Variants in SCLT1 observed in about 807,000 individuals in gnomAD.
SCLT1 encodes the protein sodium channel-associated protein 1.
SCLT1 carries 78 observed loss-of-function variants against 112.8 expected under a neutral mutation model. The ratio of observed to expected loss-of-function variants is 0.69; its 90% CI spans 0.58 to 0.83. The LOEUF (loss-of-function observed/expected upper bound fraction) is 0.83. Ranked by LOEUF, SCLT1 falls within the 40% of genes least tolerant of loss-of-function variation. SCLT1 has a pLI of 0.00. For synonymous variants in SCLT1, 257 were observed against 254.7 expected (o/e 1.01, Z -0.09); for missense variants, 747 against 770.4 (o/e 0.97, Z 0.36).
rs532071094 is a variant in SCLT1 at position 128,994,859 on chromosome 4, G to T, written c.616-2622C>A. Among the ~76,000 whole-genome samples the T allele has an allele frequency of 3.9e-5, 6 of 152,040 alleles. No homozygotes were observed. In the East Asian group the frequency reaches 1.2e-3, roughly 29 times the overall value. Reference sequence around the variant, plus strand: ...GCTCATTTAAAAATCAACTTATTAGGTTTTTTTGTGTGTCTTTTGTTTTTT... The same window carrying T: ...GCTCATTTAAAAATCAACTTATTAGTTTTTTTTGTGTGTCTTTTGTTTTTT... On this transcript the variant is annotated intron_variant, in intron 8 of 20. Coordinates refer to ENST00000281142, the MANE Select transcript of SCLT1 (RefSeq NM_144643.4).
chr4:128,921,207 G>A (rs112160201), intron 18 of SCLT1, among the ~76,000 whole-genome samples: 27,630 of 152,102 alleles, frequency 0.18, 3,003 homozygotes, highest in East Asian at 0.33. Context: ...AATCAATATT[G>A]TTAAAATGGT....
At chr4:128,899,919 T>C (rs1734126417) in intron 18 of SCLT1, among the ~76,000 whole-genome samples, 2 of 152,086 alleles carry the variant, frequency 1.3e-5, no homozygotes, top group African/African-American at 4.8e-5. Context: ...TGAACTCCCA[T>C]TCACAATTGC....
intron 18 of SCLT1, among the ~76,000 whole-genome samples, chr4:128,896,962 G>T (rs901448211): frequency 9.2e-5 from 14 of 152,072 alleles, no homozygotes; most frequent in Admixed American, 4.6e-4. Context: ...AGTGAGAAGA[G>T]AAGTTTAGAG....
chr4:128,904,692 T>C (rs1415217017), intron 18 of SCLT1, among the ~76,000 whole-genome samples: 1 of 152,194 alleles, frequency 6.6e-6, no homozygotes, highest in Non-Finnish European at 1.5e-5. Flanking sequence ...AAATCTGTAA[T>C]ATCATATAAT....
At chr4:128,876,533 A>C (rs1732524455) in exon 4 of SCLT1, 1 of 152,236 alleles carries the variant, frequency 6.6e-6, no homozygotes, top group Non-Finnish European at 1.5e-5. Context: ...ATCTGCAACA[A>C]ACTTCACAAT....
intron 2 of SCLT1, among the ~76,000 whole-genome samples, chr4:129,056,064 C>T (rs1379832002): frequency 4.6e-5 from 7 of 152,176 alleles, no homozygotes; most frequent in South Asian, 4.1e-4. Flanking sequence ...TTGCACTTCA[C>T]GGGTGAGGTG....
intron 18 of SCLT1, among the ~76,000 whole-genome samples, chr4:128,932,211 A>G (rs1282255951): frequency 6.6e-6 from 1 of 152,196 alleles, no homozygotes; most frequent in East Asian, 1.9e-4. Flanking sequence ...TCCTTTCTAG[A>G]GTACCTACAT....
chr4:129,073,581 T>A (rs1449997302), intron 2 of SCLT1, among the ~76,000 whole-genome samples: 1 of 152,174 alleles, frequency 6.6e-6, no homozygotes, highest in African/African-American at 2.4e-5. Flanking sequence ...CATTTTAATT[T>A]ACCTTATAGA....
intron 5 of SCLT1, among the ~76,000 whole-genome samples, chr4:129,022,477 A>G (rs1745577333): frequency 6.6e-6 from 1 of 152,218 alleles, no homozygotes; most frequent in Non-Finnish European, 1.5e-5. Context: ...TGAAAAACAC[A>G]GCACGAGAAC....
intron 2 of SCLT1, among the ~76,000 whole-genome samples, chr4:129,081,959 C>A (rs1751980840): frequency 1.3e-5 from 2 of 151,956 alleles, no homozygotes; most frequent in African/African-American, 4.8e-5. Context: ...TTTTAAAAAA[C>A]CATATATTAT....
At chr4:128,914,779 C>A (rs1735354597) in intron 18 of SCLT1, among the ~76,000 whole-genome samples, 1 of 152,098 alleles carries the variant, frequency 6.6e-6, no homozygotes, top group Admixed American at 6.6e-5. Context: ...TTATTGGAAA[C>A]TATAGTTTCT....
chr4:128,907,309 T>C (rs186515166), intron 18 of SCLT1, among the ~76,000 whole-genome samples: 2 of 152,278 alleles, frequency 1.3e-5, no homozygotes, highest in Admixed American at 1.3e-4. Context: ...AGTAAGGATA[T>C]TAATCCATAG....
chr4:128,915,852 A>C (rs1460869029), intron 18 of SCLT1, among the ~76,000 whole-genome samples: 1 of 152,248 alleles, frequency 6.6e-6, no homozygotes, highest in African/African-American at 2.4e-5. Flanking sequence ...GGAAAGACAG[A>C]CTGTTTTAAA....
intron 5 of SCLT1, among the ~76,000 whole-genome samples, chr4:129,028,866 G>A (rs1746408630): frequency 1.3e-5 from 2 of 151,342 alleles, no homozygotes; most frequent in Admixed American, 1.3e-4. Context: ...AGTGGGCAAA[G>A]GACATGAACA....
Position 128,969,038 on chromosome 4 carries a change from C to T in SCLT1, c.777+1340G>A, listed in dbSNP as rs556148949. Among the ~76,000 whole-genome samples, 15 of 152,324 alleles carry T rather than the reference C, an allele frequency of 9.8e-5. No homozygotes were observed. The South Asian group carries it at 1.9e-3, about 19-fold the overall frequency. On this transcript the variant is annotated intron_variant, in intron 10 of 20. Coordinates refer to ENST00000281142, the MANE Select transcript of SCLT1 (RefSeq NM_144643.4). ...TGATGCTTCAATTGCACACATTTCT[C>T]GCATGTATTCAATTATAAAAAGTAG... is the stretch of plus-strand genomic sequence containing the variant.
chr4:128,964,592 G>T (rs1579527518), intron 11 of SCLT1, among the ~76,000 whole-genome samples: 1 of 152,140 alleles, frequency 6.6e-6, no homozygotes, highest in African/African-American at 2.4e-5. Context: ...CTTTTTGTAG[G>T]ATTTATGGTT....
chr4:128,895,495 G>A (rs1733669457), intron 18 of SCLT1, among the ~76,000 whole-genome samples: 1 of 152,134 alleles, frequency 6.6e-6, no homozygotes, highest in Admixed American at 6.5e-5. Context: ...TTTTTAGATT[G>A]TGTTTTTCGG....
At chr4:128,967,610 T>C (rs1214036104) in intron 10 of SCLT1, among the ~76,000 whole-genome samples, 1 of 152,212 alleles carries the variant, frequency 6.6e-6, no homozygotes, top group Non-Finnish European at 1.5e-5. Context: ...ACTCATAGTG[T>C]TGAGCATTTT....
At chr4:128,952,493 T>C (rs889959466) in intron 14 of SCLT1, 9 of 539,118 alleles carry the variant, frequency 1.7e-5, no homozygotes, top group African/African-American at 1.3e-4. Flanking sequence ...ACTCAGCATA[T>C]GATAGGAGCT....
Sources: gnomAD v4.1 joint callset for allele counts (sites outside exome capture counted in the v4.1 genomes callset) on GRCh38, gnomAD v4.1.1 for gene constraint, MANE v1.5 for transcripts, NCBI Gene and HGNC (gene_info 2026-07-23, HGNC 2026-07-21) for gene names.